LGALS8: variants seen among roughly 807,000 people sequenced by gnomAD.
The protein encoded by LGALS8 is galectin-8.
A neutral mutation model predicts 35.9 loss-of-function variants in LGALS8; 30 were observed. The observed-to-expected ratio is 0.83, with a 90% CI of 0.62 to 1.13. The LOEUF is 1.13. LGALS8 is among the 50% of genes most tolerant of loss of function. The pLI is 0.00. For missense variants in LGALS8, 366 were observed against 388.7 expected (o/e 0.94, Z 0.49); for synonymous variants, 138 against 136.1 (o/e 1.01, Z -0.10).
chr1:236,542,656 A>T, intron 6 of LGALS8, 105 bp from the exon 7 acceptor site: 1 of 1,200,878 alleles, frequency 8.3e-7, no homozygotes, highest in East Asian at 2.3e-5. Context: ...GAGCAGGAAC[A>T]TCCCAGGCTC....
At position 236,548,737 on chromosome 1, in the gene LGALS8, GTATCCCA is replaced by G; in HGVS notation, c.*578_*584del. The G allele has an allele frequency of 2.6e-6, 1 of 388,766 alleles. No individual in the cohort carries two copies. Among genetic ancestry groups the G allele is most frequent in the Non-Finnish European group, 4.5e-6 (1 of 220,762 alleles). 24.1% of individuals were successfully genotyped at this position (388,766 alleles called of 1,614,324 possible). On this transcript the variant is annotated 3_prime_UTR_variant, in exon 10 of 10. Transcript: ENST00000366584. ...TCACTGTCATAACCAGTGCTCTACC[GTATCCCA>G]TCACTGAGGACTGATGTTGACTGAC...
At chr1:236,537,668 G>C in intron 3 of LGALS8, 83 bp downstream of exon 3, 1 of 1,032,588 alleles carries the variant, frequency 9.7e-7, no homozygotes, top group African/African-American at 1.5e-5. Flanking sequence ...AGGCGGGAGA[G>C]ACCATTTGAT....
chr1:236,521,377 T>G (rs1660545306), upstream of LGALS8, among the ~76,000 whole-genome samples: 1 of 152,058 alleles, frequency 6.6e-6, no homozygotes, highest in Non-Finnish European at 1.5e-5. Context: ...GATGGGAGTG[T>G]GACAGGCCTG....
In LGALS8 at chr1:236,539,105, G is replaced by T; in HGVS notation, c.345+16G>T. 1 of 1,606,476 alleles carries T rather than the reference G, an allele frequency of 6.2e-7. No individual in the cohort carries two copies. Among genetic ancestry groups the T allele is most frequent in the Non-Finnish European group, 8.5e-7 (1 of 1,173,870 alleles). On this transcript the variant is annotated intron_variant, in intron 4 of 9. Transcript: ENST00000366584. ...CAAATTCCAGGTAGGTTTTGGAGAG[G>T]GACAGGTTGAGTCCTCATTAGTGAG...
chr1:236,528,961 A>G (rs1159463375), intron 2 of LGALS8, among the ~76,000 whole-genome samples: 2 of 152,218 alleles, frequency 1.3e-5, no homozygotes, highest in Non-Finnish European at 2.9e-5. Context: ...TTCAACTGAT[A>G]GAATTCCAAG....
upstream of LGALS8, chr1:236,523,610 G>A (rs1660624780): frequency 1.8e-5 from 3 of 165,324 alleles, no homozygotes; most frequent in South Asian, 3.8e-4. Context: ...AGACCTGGAG[G>A]CCTGGAACAG....
intron 2 of LGALS8, among the ~76,000 whole-genome samples, chr1:236,534,811 C>CA (rs1319192446): frequency 1.3e-5 from 2 of 151,900 alleles, no homozygotes; most frequent in Non-Finnish European, 2.9e-5. Context: ...CATTACCTCC[C>CA]AAAGCAACCC....
upstream of LGALS8, chr1:236,523,728 T>G: frequency 3.7e-6 from 1 of 271,790 alleles, no homozygotes; most frequent in Non-Finnish European, 7.3e-6. Flanking sequence ...CCAGGACACA[T>G]TCTTTGTCCT....
intron 2 of LGALS8, among the ~76,000 whole-genome samples, chr1:236,527,571 A>G (rs1020471699): frequency 6.6e-6 from 1 of 152,132 alleles, no homozygotes; most frequent in Non-Finnish European, 1.5e-5. Context: ...GACTGAACTG[A>G]ATGGCAAAAA....
At chr1:236,524,301 G>GAGTC (rs1558153231) in intron 1 of LGALS8, 3 of 456,738 alleles carry the variant, frequency 6.6e-6, no homozygotes, top group Non-Finnish European at 1.3e-5. Context: ...GGATTATCAG[G>GAGTC]AGTCGCGGCC....
chr1:236,519,973 T>C (rs1660506122), upstream of LGALS8, among the ~76,000 whole-genome samples: 1 of 129,182 alleles, frequency 7.7e-6, no homozygotes, highest in Non-Finnish European at 1.6e-5. Flanking sequence ...TTTTTTTTTT[T>C]TTAGACACAG....
chr1:236,537,030 T>TTTTTTTTTTTG (rs1661565439), intron 2 of LGALS8, among the ~76,000 whole-genome samples: 2 of 52,654 alleles, frequency 3.8e-5, no homozygotes, highest in Non-Finnish European at 2.0e-4. Context: ...CCTTTTTTTT[T>TTTTTTTTTTTG]TTTTGAGACG....
At chr1:236,543,123 G>A in intron 7 of LGALS8, 3 of 1,302,830 alleles carry the variant, frequency 2.3e-6, no homozygotes, top group Non-Finnish European at 3.3e-6. Context: ...ATCCACAATA[G>A]AGGCCCAAAG....
rs199710084 is a variant in LGALS8, at chr1:236,526,577, AGT to A, written c.45+466_45+467del. ...GTCAAAAGCCAATGGGGAGATGGAG[AGT>A]GTGAAGTAGTAAGGGTCTCGTGCAG... is the stretch of plus-strand genomic sequence containing the variant. On this transcript the variant is annotated intron_variant, in intron 2 of 9. Coordinates refer to ENST00000366584, the MANE Select transcript of LGALS8 (RefSeq NM_201544.4). This position sits in a 1 kb window ranked among gnomAD's most constrained non-coding sequence, Gnocchi z 4.6. 5.1e-3 allele frequency: 805 copies of A among 156,514 alleles called. 14 individuals carry two copies. The highest frequency in any genetic ancestry group is 0.018 in the African/African-American group (764 of 41,560). The allele number at this position is 156,514 out of a possible 1,614,324, so 9.7% of individuals were successfully genotyped here.
At position 236,549,528 on chromosome 1, in the gene LGALS8, AT is replaced by A. The variant is rs200687606; in HGVS notation, c.*1374del. On this transcript the variant is annotated 3_prime_UTR_variant, in exon 10 of 10. Coordinates refer to ENST00000366584, the MANE Select transcript of LGALS8 (RefSeq NM_201544.4). The stretch of plus-strand genomic sequence containing the variant: ...TGAAAAGAATACCATTGTCAATCTT[AT>A]TTTTTTAAAAGTACTCAGTGTAGAA... The A allele has an allele frequency of 6.6e-6, 1 of 152,326 alleles. No individual in the cohort carries two copies. Among genetic ancestry groups the A allele is most frequent in the South Asian group, 2.1e-4 (1 of 4,816 alleles). The allele number at this position is 152,326 out of a possible 1,614,324, so 9.4% of individuals were successfully genotyped here. A position where few individuals can be genotyped will look rare whatever the true frequency, so the allele number is the denominator to read the frequency against.
intron 7 of LGALS8, 124 bp from the exon 8 acceptor site, chr1:236,543,436 C>A: frequency 1.3e-6 from 1 of 785,636 alleles, no homozygotes; most frequent in South Asian, 1.4e-5. Context: ...GGCAGACTGT[C>A]TCTCCCCTCC....
chr1:236,532,048 G>A (rs565283002), intron 2 of LGALS8, among the ~76,000 whole-genome samples: 1 of 152,300 alleles, frequency 6.6e-6, no homozygotes, highest in East Asian at 1.9e-4. Flanking sequence ...GAGCCTCAGT[G>A]CCTAGGGTTT....
chr1:236,519,412 C>T (rs1482944130), upstream of LGALS8, among the ~76,000 whole-genome samples: 1 of 151,630 alleles, frequency 6.6e-6, no homozygotes, highest in Non-Finnish European at 1.5e-5. Context: ...AAGACTATTT[C>T]TAAATGTGTG....
rs1315287023 is a variant in LGALS8, at chr1:236,526,913, T to TC, written c.45+801dup. On this transcript the variant is annotated intron_variant, in intron 2 of 9. Coordinates refer to ENST00000366584, the MANE Select transcript of LGALS8 (RefSeq NM_201544.4). This position sits in a 1 kb window ranked among gnomAD's most constrained non-coding sequence, Gnocchi z 4.6. ...TTACTTTATAGCTGTATTTCCTTTT[T>TC]CCCTAAGTTTTAATGTCATTGTGTA... is the stretch of plus-strand genomic sequence containing the variant. Among the ~76,000 whole-genome samples the TC allele has an allele frequency of 1.3e-5, 2 of 152,312 alleles. 1 individual carries two copies. Among genetic ancestry groups the TC allele is most frequent in the East Asian group, 3.9e-4 (2 of 5,186 alleles).
Sources: gnomAD v4.1 joint callset for allele counts (sites outside exome capture counted in the v4.1 genomes callset) on GRCh38, gnomAD v4.1.1 for gene constraint, Gnocchi (gnomAD v3.1) non-coding constraint, MANE v1.5 for transcripts, NCBI Gene and HGNC (gene_info 2026-07-23, HGNC 2026-07-21) for gene names.